The following TESPA1 variants were observed in gnomAD, a reference collection of about 807,000 sequenced individuals.
The protein encoded by TESPA1 is protein TESPA1.
Under a neutral mutation model 57.9 loss-of-function variants are expected in TESPA1, and 33 were observed. The ratio of observed to expected loss-of-function variants is 0.57; its 90% confidence interval spans 0.43 to 0.76. TESPA1 has a LOEUF of 0.76. Ranked by LOEUF, TESPA1 falls within the 30% of genes least tolerant of loss-of-function variation. TESPA1 has a pLI of 0.00. For synonymous variants in TESPA1, 227 were observed against 228.9 expected (o/e 0.99, Z 0.07); for missense variants, 618 against 632.9 (o/e 0.98, Z 0.25).
At chr12:54,973,642 T>C (rs1375158320) in intron 2 of TESPA1, 123 bp from the exon 3 acceptor site, 11 of 1,544,874 alleles carry the variant, frequency 7.1e-6, no homozygotes, top group Non-Finnish European at 9.6e-6. Context: ...TTTTTCTACA[T>C]AAAGCTTTTC....
At position 54,962,627 on chromosome 12, in the gene TESPA1, TG is replaced by T; in HGVS notation, c.1270del (p.His424IlefsTer45). On this transcript the variant is annotated frameshift_variant, in exon 9 of 11. Transcript: ENST00000449076. LOFTEE classifies it high-confidence loss of function. ...CCAGAAAGTCTCATCCTTGGCTGGA[TG>T]GGTTTCCGTATTGGTGGCTGGTAGA... The part of the protein sequence containing the change: ...CSLPATNTET[H>X]PAKDETFWKR... The T allele has an allele frequency of 2.5e-6, 4 of 1,613,964 alleles. No homozygotes were observed. The highest frequency in any genetic ancestry group is 2.5e-6 in the Non-Finnish European group (3 of 1,179,886).
chr12:54,969,200 G>C (rs1173067135), intron 3 of TESPA1, among the ~76,000 whole-genome samples: 1 of 150,860 alleles, frequency 6.6e-6, no homozygotes, highest in Non-Finnish European at 1.5e-5. Flanking sequence ...GAAATAATAG[G>C]CAAGCTCATT....
intron 1 of TESPA1, among the ~76,000 whole-genome samples, chr12:54,974,979 T>A (rs1401128771): frequency 6.6e-6 from 1 of 152,248 alleles, no homozygotes; most frequent in South Asian, 2.1e-4. Flanking sequence ...TCTTCCATTA[T>A]GACTAAAACA....
chr12:54,965,773 G>A (rs1292987389), intron 7 of TESPA1, among the ~76,000 whole-genome samples: 2 of 152,132 alleles, frequency 1.3e-5, no homozygotes, highest in Non-Finnish European at 2.9e-5. Flanking sequence ...CCTACTCTGA[G>A]TCTTGGAACT....
Position 54,969,046 on chromosome 12 carries a change from T to TATATATATATATATATACAC in TESPA1, c.207-1155_207-1154insGTGTATATATATATATATAT, listed in dbSNP as rs71070858. ...GTATATATATATATATATATATATA[T>TATATATATATATATATACAC]GTGTGTGTGTAGATAGATAGATATA... On this transcript the variant is annotated intron_variant, in intron 3 of 10. Transcript: ENST00000449076. Among the ~76,000 whole-genome samples the TATATATATATATATATACAC allele has an allele frequency of 4.1e-3, 512 of 124,320 alleles. 9 individuals are homozygous for TATATATATATATATATACAC. Among genetic ancestry groups the TATATATATATATATATACAC allele is most frequent in the African/African-American group, 0.015 (493 of 31,876 alleles). The allele number at this position is 124,320 out of a possible 152,430, so 81.6% of individuals were successfully genotyped here. A position where few individuals can be genotyped will look rare whatever the true frequency, so the allele number is the denominator to read the frequency against.
rs7973347 is a variant in TESPA1 at position 54,963,603 on chromosome 12, G to T, written c.655+139C>A. The T allele has an allele frequency of 8.3e-4, 808 of 977,674 alleles. 6 individuals carry two copies. The South Asian group carries it at 0.013, about 16-fold the overall frequency. The allele number at this position is 977,674 out of a possible 1,614,324, so 60.6% of individuals were successfully genotyped here. On this transcript the variant is annotated intron_variant, in intron 8 of 10. Coordinates refer to ENST00000449076, the MANE Select transcript of TESPA1 (RefSeq NM_001136030.3). Reference sequence around the variant, plus strand: ...GACAGAGTTCTCCATCTTCACTGAAGACAACATAAGAGGAAATAGACACAA... The same window carrying T: ...GACAGAGTTCTCCATCTTCACTGAATACAACATAAGAGGAAATAGACACAA...
At position 54,963,833 on chromosome 12, in the gene TESPA1, G is replaced by T; in HGVS notation, c.564C>A (p.Thr188=). ...TSRIPARFFT[T]PSQAKGIDFQ... ...AATCAATGCCCTTGGCCTGAGAGGG[G>T]GTGGTGAAAAATCGGGCGGGTATCC... Residue 188 remains threonine, a synonymous_variant, in exon 8 of 11, where the codon ACC becomes ACA. Coordinates refer to ENST00000449076, the MANE Select transcript of TESPA1 (RefSeq NM_001136030.3). 6.2e-7 allele frequency: 1 copy of T among 1,613,964 alleles called. No individual in the cohort carries two copies. Among genetic ancestry groups the T allele is most frequent in the Non-Finnish European group, 8.5e-7 (1 of 1,179,872 alleles).
At chr12:54,961,731 A>C (rs1209910611) in intron 9 of TESPA1, among the ~76,000 whole-genome samples, 1 of 152,204 alleles carries the variant, frequency 6.6e-6, no homozygotes, top group East Asian at 1.9e-4. Flanking sequence ...AATGGCCCCA[A>C]GCCGGTTGCA....
In TESPA1 at chr12:54,948,271, T is replaced by G. The variant is rs574953688; in HGVS notation, c.*2121A>C. 5.3e-4 allele frequency: 90 copies of G among 169,654 alleles called. No homozygotes were observed. Among genetic ancestry groups the G allele is most frequent in the African/African-American group, 2.1e-3 (88 of 41,844 alleles). 10.5% of individuals were successfully genotyped at this position (169,654 alleles called of 1,614,324 possible). A position where few individuals can be genotyped will look rare whatever the true frequency, so the allele number is the denominator to read the frequency against. On this transcript the variant is annotated 3_prime_UTR_variant, in exon 11 of 11. Transcript: ENST00000449076. ...TAAGGCAGCAACAGGCCATTTTCAC[T>G]TCTTTTGTGATTCTCCACTTGCTTC... is the stretch of plus-strand genomic sequence containing the variant.
At chr12:54,982,330 G>A (rs745520691) in intron 1 of TESPA1, among the ~76,000 whole-genome samples, 9 of 152,178 alleles carry the variant, frequency 5.9e-5, no homozygotes, top group Non-Finnish European at 1.2e-4. Flanking sequence ...CAATCTGTTC[G>A]GGGAAAAGGA....
intron 10 of TESPA1, among the ~76,000 whole-genome samples, chr12:54,951,466 A>G (rs1177757772): frequency 6.6e-6 from 1 of 152,138 alleles, no homozygotes; most frequent in Admixed American, 6.5e-5. Context: ...CTCCTAAACC[A>G]TAGCCTTTCC....
chr12:54,984,346 A>G (rs1182300149), intron 1 of TESPA1, among the ~76,000 whole-genome samples: 3 of 152,228 alleles, frequency 2.0e-5, no homozygotes, highest in East Asian at 1.9e-4. Context: ...GAGAATCTAG[A>G]AAGATTACCT....
chr12:54,961,290 CT>C, intron 9 of TESPA1, 23 bp from the exon 10 acceptor site: 1 of 1,613,554 alleles, frequency 6.2e-7, no homozygotes, highest in South Asian at 1.1e-5. Context: ...TCCCACAGAA[CT>C]CAGCCAGAGC....
At position 54,964,048 on chromosome 12, in the gene TESPA1, T is replaced by C. The variant is rs1592358066; in HGVS notation, c.447-98A>G. ...AATAAAAGTGTCAGAAGACTGAAATTCTTTTCTGTCCATTTCTCTACTTTT... is the reference window on the plus strand; with the variant it reads ...AATAAAAGTGTCAGAAGACTGAAATCCTTTTCTGTCCATTTCTCTACTTTT... On this transcript the variant is annotated intron_variant, in intron 7 of 10. Transcript: ENST00000449076. 1.4e-5 allele frequency: 18 copies of C among 1,252,078 alleles called. No homozygotes were observed. In the East Asian group the frequency reaches 4.2e-4, roughly 29 times the overall value. 77.6% of individuals were successfully genotyped at this position (1,252,078 alleles called of 1,614,324 possible).
chr12:54,974,400 C>T lies in TESPA1; in HGVS notation c.163G>A (p.Gly55Arg), dbSNP rs755007871. 6.2e-7 allele frequency: 1 copy of T among 1,601,404 alleles called. No homozygotes were observed. The highest frequency in any genetic ancestry group is 1.3e-5 in the African/African-American group (1 of 74,620). Residue 55 changes from glycine to arginine, a missense_variant and splice_region_variant, in exon 2 of 11, where the codon GGG (glycine) becomes AGG (arginine). Around this residue, in one of 3 missense-constraint regions of TESPA1, gnomAD observed 199 missense variants for 184.0 expected, o/e 1.08. Coordinates refer to ENST00000449076, the MANE Select transcript of TESPA1 (RefSeq NM_001136030.3). ...PSSLDDVFQE[G>R]NPINKIEDWL... ...CGCCTGTCTGATGTTCGTCTCTTAC[C>T]TTCTTGGAAAACGTCATCCAGGCTG...
At chr12:54,966,498 C>T (rs995234723) in intron 5 of TESPA1, 74 bp from the exon 6 acceptor site, 1 of 1,540,496 alleles carries the variant, frequency 6.5e-7, no homozygotes. Flanking sequence ...CCCTCTGAAC[C>T]TAAAACTCAG....
intron 1 of TESPA1, among the ~76,000 whole-genome samples, chr12:54,979,168 A>C (rs1952228943): frequency 6.6e-6 from 1 of 152,040 alleles, no homozygotes; most frequent in African/African-American, 2.4e-5. Context: ...CCCAAGTCTG[A>C]CTTAATTTAT....
chr12:54,963,154 CT>C lies in TESPA1; in HGVS notation c.743del (p.Lys248SerfsTer72). 1 of 1,613,868 alleles carries C rather than the reference CT, an allele frequency of 6.2e-7. No homozygotes were observed. The highest frequency in any genetic ancestry group is 8.5e-7 in the Non-Finnish European group (1 of 1,179,884). ...YSYVSKTPVQ[K>X]FTPSHMFWNC... is the part of the protein sequence containing the mutation. The stretch of plus-strand genomic sequence containing the variant: ...TCCAGAACATGTGGGATGGTGTGAA[CT>C]TTTGGACAGGTGTCTTAGACACATA... On this transcript the variant is annotated frameshift_variant, in exon 9 of 11. Transcript: ENST00000449076. LOFTEE classifies it high-confidence loss of function.
At chr12:54,956,066 A>C (rs1263533343) in intron 10 of TESPA1, among the ~76,000 whole-genome samples, 4 of 152,250 alleles carry the variant, frequency 2.6e-5, no homozygotes, top group Non-Finnish European at 4.4e-5. Flanking sequence ...TCTGCTATGT[A>C]GTAATCCCTA....
Sources: gnomAD v4.1 joint callset for allele counts (sites outside exome capture counted in the v4.1 genomes callset) on GRCh38, gnomAD v4.1.1 for gene constraint, gnomAD v4.1.1 regional missense constraint, MANE v1.5 for transcripts, NCBI Gene and HGNC (gene_info 2026-07-23, HGNC 2026-07-21) for gene names.